The following MGMT variants were observed in gnomAD, a reference collection of about 807,000 sequenced individuals.
The protein encoded by MGMT is methylated-DNA--protein-cysteine methyltransferase.
Under a neutral mutation model 15.9 loss-of-function variants are expected in MGMT, and 14 were observed. The observed-to-expected ratio is 0.88, with a 90% CI of 0.58 to 1.37. The LOEUF is 1.37. Ranked by LOEUF, MGMT falls within the 40% of genes most tolerant of loss-of-function variation. The pLI is 0.00. For synonymous variants in MGMT, 130 were observed against 118.2 expected (o/e 1.10, Z -0.65); for missense variants, 282 against 268.1 (o/e 1.05, Z -0.36).
rs571762713 is a variant in MGMT, at chr10:129,682,736, T to C, written c.126-25159T>C. Among the ~76,000 whole-genome samples, 3 of 152,334 alleles carry C rather than the reference T, an allele frequency of 2.0e-5. No individual in the cohort carries two copies. The East Asian group carries it at 5.8e-4, about 29-fold the overall frequency. On this transcript the variant is annotated intron_variant, in intron 2 of 4. Transcript: ENST00000651593. ...GCTTCCTGGTTTTGGTAACGCATGA[T>C]TATGTAGAAAGTTAAGCTGAATGAA...
intron 2 of MGMT, among the ~76,000 whole-genome samples, chr10:129,595,707 CT>C (rs1846743665): frequency 1.3e-5 from 2 of 152,258 alleles, no homozygotes; most frequent in South Asian, 4.1e-4. Context: ...AGATGCTCAG[CT>C]TTCCAGGTGA....
intron 1 of MGMT, among the ~76,000 whole-genome samples, chr10:129,501,769 A>G (rs1479106445): frequency 2.0e-5 from 3 of 152,210 alleles, no homozygotes; most frequent in African/African-American, 7.2e-5. Context: ...TTTGAAACAA[A>G]GCCTGAATTG....
At chr10:129,582,616 A>C (rs961065004) in intron 2 of MGMT, among the ~76,000 whole-genome samples, 1 of 152,122 alleles carries the variant, frequency 6.6e-6, no homozygotes, top group Non-Finnish European at 1.5e-5. Flanking sequence ...GGAGGAAAAA[A>C]ATGAGATATA....
chr10:129,556,844 C>G lies in MGMT; in HGVS notation c.125+20467C>G, dbSNP rs1439469609. 6.6e-6 allele frequency among the ~76,000 whole-genome samples: 1 copy of G among 152,198 alleles called. No homozygotes were observed. The highest frequency in any genetic ancestry group is 1.5e-5 in the Non-Finnish European group (1 of 68,042). On this transcript the variant is annotated intron_variant, in intron 2 of 4. Coordinates refer to ENST00000651593, the MANE Select transcript of MGMT (RefSeq NM_002412.5). This position sits in a 1 kb window ranked among gnomAD's most constrained non-coding sequence, Gnocchi z 4.3. Reference sequence around the variant, plus strand: ...CACTTTTTCACAACTTGTTTCTGTTCTGTCGTAGGGCTAGTGAGACCAGCT... The same window carrying G: ...CACTTTTTCACAACTTGTTTCTGTTGTGTCGTAGGGCTAGTGAGACCAGCT...
At chr10:129,606,670 A>G (rs1846895028) in intron 2 of MGMT, among the ~76,000 whole-genome samples, 1 of 152,242 alleles carries the variant, frequency 6.6e-6, no homozygotes, top group South Asian at 2.1e-4. Flanking sequence ...CCCGGTAATT[A>G]AAGTGGGTTT....
chr10:129,634,437 T>C (rs543274584), intron 2 of MGMT, among the ~76,000 whole-genome samples: 20 of 152,328 alleles, frequency 1.3e-4, no homozygotes, highest in African/African-American at 4.1e-4. Context: ...TTTTTCCTTT[T>C]CCTTTCAGAA....
At chr10:129,579,164 A>T (rs1846522527) in intron 2 of MGMT, among the ~76,000 whole-genome samples, 4 of 152,244 alleles carry the variant, frequency 2.6e-5, no homozygotes, top group Admixed American at 2.6e-4. Context: ...ATTTTCCAAG[A>T]TGGAAGGAAA....
rs1167245562 is a variant in MGMT at position 129,561,058 on chromosome 10, G to A, written c.125+24681G>A. ...AAGGGTGGGGATGAGCTGTGGTGCCGCCCTTCACGCCATTGAGACGGGCTG... is the reference window on the plus strand; with the variant it reads ...AAGGGTGGGGATGAGCTGTGGTGCCACCCTTCACGCCATTGAGACGGGCTG... On this transcript the variant is annotated intron_variant, in intron 2 of 4. Transcript: ENST00000651593. Among the ~76,000 whole-genome samples, 6 of 151,650 alleles carry A rather than the reference G, an allele frequency of 4.0e-5. No homozygotes were observed. In the East Asian group the frequency reaches 7.8e-4, roughly 20 times the overall value.
At chr10:129,520,136 G>A (rs931761317) in intron 1 of MGMT, among the ~76,000 whole-genome samples, 1 of 152,176 alleles carries the variant, frequency 6.6e-6, no homozygotes, top group African/African-American at 2.4e-5. Flanking sequence ...TTCATCAGTG[G>A]GCAGAAAAAG....
At chr10:129,549,753 G>A (rs901343634) in intron 2 of MGMT, among the ~76,000 whole-genome samples, 3 of 152,148 alleles carry the variant, frequency 2.0e-5, no homozygotes, top group South Asian at 2.1e-4. Context: ...AATCACGGCC[G>A]CTGCTGGAAG....
intron 3 of MGMT, among the ~76,000 whole-genome samples, chr10:129,737,530 G>A (rs11016906): frequency 0.54 from 81,077 of 150,890 alleles, 21,995 homozygotes; most frequent in Middle Eastern, 0.71. Context: ...TAATTTGATC[G>A]TCTGAAGCCT....
intron 2 of MGMT, among the ~76,000 whole-genome samples, chr10:129,607,036 G>T (rs967091762): frequency 6.6e-6 from 1 of 152,158 alleles, no homozygotes; most frequent in African/African-American, 2.4e-5. Context: ...GAGGGTTCTT[G>T]CCCTATGGTA....
At chr10:129,677,462 G>A (rs916946432) in intron 2 of MGMT, among the ~76,000 whole-genome samples, 3 of 152,062 alleles carry the variant, frequency 2.0e-5, no homozygotes, top group Admixed American at 6.6e-5. Flanking sequence ...TCAGGTTTTC[G>A]CAGCCATGCC....
chr10:129,741,898 G>A (rs1369531239), intron 3 of MGMT, among the ~76,000 whole-genome samples: 3 of 152,208 alleles, frequency 2.0e-5, no homozygotes, highest in Non-Finnish European at 2.9e-5. Flanking sequence ...AGTGAGGCTC[G>A]GAGCCCCCAT....
chr10:129,753,102 A>G (rs1270217280), intron 3 of MGMT, among the ~76,000 whole-genome samples: 1 of 152,206 alleles, frequency 6.6e-6, no homozygotes, highest in Non-Finnish European at 1.5e-5. Flanking sequence ...CGGATATAGA[A>G]TCCTGAGTTG....
intron 1 of MGMT, among the ~76,000 whole-genome samples, chr10:129,484,986 A>T (rs1458260748): frequency 1.3e-5 from 2 of 151,202 alleles, no homozygotes. Flanking sequence ...TATGTATTAC[A>T]TATATATGTA....
intron 3 of MGMT, chr10:129,717,991 C>T (rs1848319590): frequency 6.6e-6 from 1 of 152,212 alleles, no homozygotes. Flanking sequence ...GGAATCTGGC[C>T]TTGCCCCCAG....
intron 2 of MGMT, among the ~76,000 whole-genome samples, chr10:129,687,339 G>A (rs892211961): frequency 5.2e-4 from 79 of 152,128 alleles, no homozygotes; most frequent in African/African-American, 1.8e-3. Flanking sequence ...ATAGCCCGAC[G>A]TATCACCCAA....
At chr10:129,502,949 C>T (rs1000774704) in intron 1 of MGMT, among the ~76,000 whole-genome samples, 8 of 152,064 alleles carry the variant, frequency 5.3e-5, no homozygotes, top group African/African-American at 1.4e-4. Context: ...GGCTCTACCC[C>T]GTATTTCATT....
Sources: gnomAD v4.1 joint callset for allele counts (sites outside exome capture counted in the v4.1 genomes callset) on GRCh38, gnomAD v4.1.1 for gene constraint, Gnocchi (gnomAD v3.1) non-coding constraint, MANE v1.5 for transcripts, NCBI Gene and HGNC (gene_info 2026-07-23, HGNC 2026-07-21) for gene names.